SUN1: variants seen among roughly 807,000 people sequenced by gnomAD.
SUN1 encodes the protein Sad1 and UNC84 domain containing 1.
SUN1 carries 61 observed loss-of-function variants against 103.2 expected under a neutral mutation model. The ratio of observed to expected loss-of-function variants is 0.59; its 90% CI spans 0.48 to 0.73. The LOEUF (loss-of-function observed/expected upper bound fraction) is 0.73. Ranked by LOEUF, SUN1 falls within the 30% of genes least tolerant of loss-of-function variation. The probability of loss-of-function intolerance (pLI) is 0.00; values close to 1 mark genes in which losing one functional copy is unlikely to be tolerated. For missense variants in SUN1, 1,052 were observed against 1,034.6 expected (o/e 1.02, Z -0.23); for synonymous variants, 490 against 425.7 (o/e 1.15, Z -1.86).
chr7:835,272 A>C (rs1801964442), intron 1 of SUN1, among the ~76,000 whole-genome samples: 1 of 152,238 alleles, frequency 6.6e-6, no homozygotes, highest in Non-Finnish European at 1.5e-5. Context: ...GTCCTGCACC[A>C]GTGGCCTGGC....
At chr7:830,723 G>A (rs2128216150), upstream of SUN1, among the ~76,000 whole-genome samples, 1 of 152,328 alleles carries the variant, frequency 6.6e-6, no homozygotes, top group East Asian at 1.9e-4. Flanking sequence ...AGCAGGAGTG[G>A]ATGTCCATAG....
intron 16 of SUN1, 46 bp downstream of exon 16, chr7:866,113 T>C: frequency 6.5e-7 from 1 of 1,542,480 alleles, no homozygotes; most frequent in Non-Finnish European, 9.0e-7. Context: ...CAGCATGGAC[T>C]CGGTTAGTGT....
intron 5 of SUN1, chr7:850,541 A>AT (rs1306518098): frequency 6.5e-6 from 1 of 154,624 alleles, no homozygotes; most frequent in Non-Finnish European, 1.4e-5. Flanking sequence ...AAAGCCATTG[A>AT]TTTTTCTTTT....
At chr7:872,885 G>A (rs545683219) in intron 18 of SUN1, among the ~76,000 whole-genome samples, 20 of 152,110 alleles carry the variant, frequency 1.3e-4, no homozygotes, top group African/African-American at 4.3e-4. Flanking sequence ...TCAGGAGTTC[G>A]AGACCAGCCT....
chr7:860,269 C>A lies in SUN1; in HGVS notation c.1666C>A (p.Leu556Met), dbSNP rs777583914. 18 of 1,614,148 alleles carry A rather than the reference C, an allele frequency of 1.1e-5. No individual in the cohort carries two copies. In the Admixed American group the frequency reaches 3.0e-4, roughly 27 times the overall value. The change falls in exon 14 of 19, where the codon CTG (leucine) becomes ATG (methionine). Residue 556 changes from leucine to methionine, a missense_variant. Transcript: ENST00000401592. ...DLQTMLRDLQLQILRNVTHHV... is the reference protein window; with the variant it reads ...DLQTMLRDLQMQILRNVTHHV... ...GCAGACGATGCTGCGAGACCTGCAG[C>A]TGCAGATCCTGCGGAACGTCACCCA...
chr7:816,167 G>A (rs1180138548), upstream of SUN1: 2 of 272,828 alleles, frequency 7.3e-6, no homozygotes, highest in South Asian at 2.7e-5. Flanking sequence ...CTGAGGGGCA[G>A]AGCCCTCCGC....
At chr7:872,595 C>CT in intron 18 of SUN1, 33 bp downstream of exon 18, 1 of 1,527,490 alleles carries the variant, frequency 6.5e-7, no homozygotes, top group South Asian at 1.2e-5. Context: ...CCTGGGGTCT[C>CT]TGAGTCCCAC....
intron 15 of SUN1, among the ~76,000 whole-genome samples, chr7:864,854 C>T (rs912350498): frequency 6.6e-6 from 1 of 152,064 alleles, no homozygotes; most frequent in Non-Finnish European, 1.5e-5. Context: ...GTCTGGAACT[C>T]CTGACCTCAG....
chr7:863,265 A>G (rs1211546279), intron 15 of SUN1, among the ~76,000 whole-genome samples: 1 of 148,384 alleles, frequency 6.7e-6, no homozygotes, highest in African/African-American at 2.5e-5. Context: ...CACCAGCGCC[A>G]GGGCCCCTGG....
intron 13 of SUN1, among the ~76,000 whole-genome samples, 198 bp from the exon 14 acceptor site, chr7:859,930 C>G (rs1322607043): frequency 6.6e-6 from 1 of 152,142 alleles, no homozygotes; most frequent in Non-Finnish European, 1.5e-5. Context: ...ACGAGCTCAC[C>G]TATTTCTGTT....
rs1245204868 is a variant in SUN1 at position 873,180 on chromosome 7, A to C, written c.2242-35A>C. 5 of 1,587,238 alleles carry C rather than the reference A, an allele frequency of 3.2e-6. No homozygotes were observed. In the South Asian group the frequency reaches 4.4e-5, roughly 14 times the overall value. On this transcript the variant is annotated intron_variant, in intron 18 of 18. Transcript: ENST00000401592. The stretch of plus-strand genomic sequence containing the variant: ...ATTGGACTTGGGGTTATTAATATGA[A>C]ATACATGTGTGTGTTTTTCCCACCT...
chr7:862,396 G>A (rs1272381757), intron 15 of SUN1, among the ~76,000 whole-genome samples: 1 of 152,190 alleles, frequency 6.6e-6, no homozygotes, highest in African/African-American at 2.4e-5. Context: ...TTTGATTTCA[G>A]TCATTTGCCA....
intron 16 of SUN1, chr7:868,350 C>T (rs1044835034): frequency 1.4e-5 from 3 of 216,836 alleles, no homozygotes; most frequent in South Asian, 6.0e-5. Flanking sequence ...GGGGTGCGAT[C>T]GCAGGCCAGA....
At chr7:855,851 G>A (rs538267738) in intron 11 of SUN1, among the ~76,000 whole-genome samples, 27 of 152,274 alleles carry the variant, frequency 1.8e-4, no homozygotes, top group African/African-American at 6.3e-4. Context: ...AAGAGGGTCC[G>A]CGGGGCGCCT....
chr7:817,637 G>A, intron 1 of SUN1: 2 of 1,031,302 alleles, frequency 1.9e-6, no homozygotes, highest in Admixed American at 5.4e-5. Context: ...AAGTGCTTGC[G>A]GCTCTAATTG....
intron 2 of SUN1, 155 bp from the exon 3 acceptor site, chr7:841,791 T>G: frequency 1.4e-6 from 1 of 731,794 alleles, no homozygotes; most frequent in Non-Finnish European, 2.2e-6. Context: ...CTTTTTTATA[T>G]TAACAGTTGA....
intron 10 of SUN1, 151 bp downstream of exon 10, chr7:853,769 C>A: frequency 1.1e-6 from 1 of 883,864 alleles, no homozygotes; most frequent in Non-Finnish European, 1.7e-6. Context: ...AGCAGTGTGC[C>A]GGAGAGGGAG....
chr7:843,335 CT>C lies in SUN1; in HGVS notation c.479-3del. 1 of 1,604,334 alleles carries C rather than the reference CT, an allele frequency of 6.2e-7. No individual in the cohort carries two copies. The highest frequency in any genetic ancestry group is 8.5e-7 in the Non-Finnish European group (1 of 1,175,906). ...ACAGGTTCCATCTACTGTTTGAAAA[CT>C]TTAGGTGGAAATAAAGCTGCCATTC... On this transcript the variant is annotated splice_polypyrimidine_tract_variant and splice_region_variant and intron_variant, in intron 4 of 18. Coordinates refer to ENST00000401592, the MANE Select transcript of SUN1 (RefSeq NM_001130965.3).
exon 1 of SUN1, chr7:816,647 G>T (rs765060581): frequency 2.1e-5 from 6 of 288,636 alleles, no homozygotes; most frequent in South Asian, 1.0e-4. Context: ...CGGCGCAGAC[G>T]AGGCCTGAGG....
Sources: gnomAD v4.1 joint callset for allele counts (sites outside exome capture counted in the v4.1 genomes callset) on GRCh38, gnomAD v4.1.1 for gene constraint, MANE v1.5 for transcripts, NCBI Gene and HGNC (gene_info 2026-07-23, HGNC 2026-07-21) for gene names.